The following PHTF2 variants were observed in gnomAD, a reference collection of about 807,000 sequenced individuals.
PHTF2 encodes protein PHTF2.
PHTF2 carries 60 observed loss-of-function variants against 101.2 expected under a neutral mutation model. That is an observed-to-expected ratio of 0.59 (90% confidence interval 0.48 to 0.73). PHTF2 has a LOEUF of 0.73. Ranked by LOEUF, PHTF2 falls within the 30% of genes least tolerant of loss-of-function variation. The pLI is 0.00. For synonymous variants in PHTF2, 311 were observed against 307.3 expected, an observed-to-expected ratio of 1.01 and a Z score of -0.13; for missense variants, 747 against 908.7, an observed-to-expected ratio of 0.82 and a Z score of 2.29.
At chr7:77,821,228 A>G (rs981341815) in intron 1 of PHTF2, among the ~76,000 whole-genome samples, 2 of 151,564 alleles carry the variant, frequency 1.3e-5, no homozygotes, top group African/African-American at 4.9e-5. Flanking sequence ...TGGGAATTCC[A>G]TTGTATGTGA....
intron 3 of PHTF2, among the ~76,000 whole-genome samples, chr7:77,885,619 A>G (rs970286488): frequency 6.6e-6 from 1 of 151,852 alleles, no homozygotes; most frequent in Non-Finnish European, 1.5e-5. Context: ...TATTTTTTGT[A>G]TTCTTAGTAG....
exon 10 of PHTF2, chr7:77,920,427 G>A: frequency 6.2e-7 from 1 of 1,613,514 alleles, no homozygotes; most frequent in Middle Eastern, 1.7e-4. Flanking sequence ...AGAAGAGACA[G>A]CCTGGAACAC....
At chr7:77,850,304 G>A (rs1796638558) in intron 2 of PHTF2, among the ~76,000 whole-genome samples, 1 of 141,088 alleles carries the variant, frequency 7.1e-6, no homozygotes, top group Non-Finnish European at 1.5e-5. Context: ...GCTGCAGTGA[G>A]CCATGTTTGT....
intron 1 of PHTF2, among the ~76,000 whole-genome samples, chr7:77,826,709 G>A (rs1473939970): frequency 6.6e-6 from 1 of 152,170 alleles, no homozygotes; most frequent in African/African-American, 2.4e-5. Context: ...TTTATTTTGG[G>A]CAACAGGGTG....
chr7:77,928,626 C>T (rs1804281473), intron 11 of PHTF2, among the ~76,000 whole-genome samples: 1 of 152,158 alleles, frequency 6.6e-6, no homozygotes, highest in Non-Finnish European at 1.5e-5. Flanking sequence ...CCTGATGACA[C>T]ATAAGTCAGC....
chr7:77,811,690 A>G (rs1204681045), intron 1 of PHTF2, among the ~76,000 whole-genome samples: 1 of 152,214 alleles, frequency 6.6e-6, no homozygotes, highest in African/African-American at 2.4e-5. Flanking sequence ...CTGATCCAAC[A>G]AGATATTCCA....
intron 7 of PHTF2, among the ~76,000 whole-genome samples, chr7:77,905,844 A>G (rs1293890122): frequency 6.6e-6 from 1 of 152,142 alleles, no homozygotes; most frequent in Non-Finnish European, 1.5e-5. Flanking sequence ...CTGCCTTTGA[A>G]ATATTTGTGC....
intron 1 of PHTF2, among the ~76,000 whole-genome samples, chr7:77,825,027 G>A (rs139176936): frequency 3.2e-4 from 49 of 152,252 alleles, no homozygotes; most frequent in Non-Finnish European, 5.7e-4. Context: ...GACAGAGCGA[G>A]CCTCTGTCTC....
intron 5 of PHTF2, among the ~76,000 whole-genome samples, chr7:77,895,624 CTATTCACAAATTACTATTTG>C (rs777408017): frequency 3.6e-4 from 55 of 152,202 alleles, no homozygotes; most frequent in African/African-American, 1.2e-3. Context: ...TTTTTGGAAG[CTATTCACAAATTACTATTTG>C]TATTCACAAA....
exon 20 of PHTF2, chr7:77,956,498 A>G (rs1285027937): frequency 1.3e-5 from 2 of 152,624 alleles, no homozygotes; most frequent in Admixed American, 1.3e-4. Flanking sequence ...AATATGTTTA[A>G]TAATGACCAA....
rs761861776 is a variant in PHTF2 at position 77,868,322 on chromosome 7, A to ATTTTT, written c.147+13512_147+13516dup. 6.4e-4 allele frequency among the ~76,000 whole-genome samples: 50 copies of ATTTTT among 78,530 alleles called. 1 individual carries two copies. The highest frequency in any genetic ancestry group is 2.0e-3 in the African/African-American group (36 of 17,908). The allele number at this position is 78,530 out of a possible 152,430, so 51.5% of individuals were successfully genotyped here. A position where few individuals can be genotyped will look rare whatever the true frequency, so the allele number is the denominator to read the frequency against. ...CTCGCAAGTGGCTAATTAAAAAAAA[A>ATTTTT]TTTTTTTTTTTTTTTTTTTTTTTTT... is the stretch of plus-strand genomic sequence containing the variant. On this transcript the variant is annotated intron_variant, in intron 3 of 19. Coordinates refer to ENST00000416283, the Ensembl canonical transcript of PHTF2.
intron 1 of PHTF2, among the ~76,000 whole-genome samples, chr7:77,803,909 G>T (rs898758589): frequency 6.6e-6 from 1 of 152,042 alleles, no homozygotes; most frequent in Non-Finnish European, 1.5e-5. Context: ...TCTGAAGAAA[G>T]TACATCAAAC....
At chr7:77,826,399 A>G (rs561173008) in intron 1 of PHTF2, among the ~76,000 whole-genome samples, 1 of 152,338 alleles carries the variant, frequency 6.6e-6, no homozygotes, top group Non-Finnish European at 1.5e-5. Flanking sequence ...AAGGATTTAT[A>G]ACCTTGGGTA....
chr7:77,836,673 A>T (rs1795497702), intron 1 of PHTF2, among the ~76,000 whole-genome samples: 1 of 152,200 alleles, frequency 6.6e-6, no homozygotes, highest in Non-Finnish European at 1.5e-5. Flanking sequence ...TTGCAGGGAC[A>T]TGGATGATGC....
intron 3 of PHTF2, among the ~76,000 whole-genome samples, chr7:77,866,764 T>C (rs1026499809): frequency 6.6e-6 from 1 of 152,238 alleles, no homozygotes; most frequent in African/African-American, 2.4e-5. Context: ...TAAATTGCCT[T>C]AAAATATGAC....
intron 9 of PHTF2, among the ~76,000 whole-genome samples, chr7:77,918,014 A>G (rs933015097): frequency 6.6e-6 from 1 of 152,320 alleles, no homozygotes; most frequent in East Asian, 1.9e-4. Flanking sequence ...GGAGGGAAGC[A>G]GAGGTAAGGA....
In PHTF2 at chr7:77,841,007, C is replaced by T. The variant is rs112585999; in HGVS notation, c.45+707C>T. Among the ~76,000 whole-genome samples, 1,042 of 144,614 alleles carry T rather than the reference C, an allele frequency of 7.2e-3. 5 individuals are homozygous for T. The highest frequency in any genetic ancestry group is 0.026 in the African/African-American group (973 of 38,078). The allele number at this position is 144,614 out of a possible 152,430, so 94.9% of individuals were successfully genotyped here. Reference sequence around the variant, plus strand: ...TTTTAAAACATTTTTATACCTTATTCTTCAGGTCTCTATTAACAAAATATA... The same window carrying T: ...TTTTAAAACATTTTTATACCTTATTTTTCAGGTCTCTATTAACAAAATATA... On this transcript the variant is annotated intron_variant, in intron 2 of 19. Coordinates refer to ENST00000416283, the Ensembl canonical transcript of PHTF2.
intron 1 of PHTF2, among the ~76,000 whole-genome samples, chr7:77,821,194 C>T (rs765822372): frequency 6.6e-6 from 1 of 151,964 alleles, no homozygotes; most frequent in Non-Finnish European, 1.5e-5. Context: ...AAGGCTTCTA[C>T]TGAGAAATCT....
At chr7:77,929,266 T>G in exon 12 of PHTF2, 2 of 1,611,062 alleles carry the variant, frequency 1.2e-6, no homozygotes, top group Non-Finnish European at 8.5e-7. Context: ...GAGACAGATG[T>G]GGAAAATCAT....
Sources: gnomAD v4.1 joint callset for allele counts (sites outside exome capture counted in the v4.1 genomes callset) on GRCh38, gnomAD v4.1.1 for gene constraint, MANE v1.5 for transcripts, NCBI Gene and HGNC (gene_info 2026-07-23, HGNC 2026-07-21) for gene names.